Variants in PIP4K2A observed in about 807,000 individuals in gnomAD.
PIP4K2A encodes the protein phosphatidylinositol-5-phosphate 4-kinase type 2 alpha, also known as phosphatidylinositol 5-phosphate 4-kinase type-2 alpha.
PIP4K2A carries 14 observed loss-of-function variants against 42.9 expected under a neutral mutation model. That is an observed-to-expected ratio of 0.33 (90% confidence interval 0.22 to 0.51). PIP4K2A has a LOEUF of 0.51. PIP4K2A is among the 20% of genes least tolerant of loss of function. PIP4K2A has a pLI of 0.97. For synonymous variants in PIP4K2A, 192 were observed against 192.2 expected, an observed-to-expected ratio of 1.00 and a Z score of 0.01; for missense variants, 434 against 519.8, an observed-to-expected ratio of 0.83 and a Z score of 1.61.
chr10:22,582,487 G>A (rs1259155799), intron 4 of PIP4K2A, among the ~76,000 whole-genome samples: 2 of 152,138 alleles, frequency 1.3e-5, no homozygotes, highest in South Asian at 4.1e-4. Flanking sequence ...CTGGGCTCCG[G>A]CTTTCAGGAA....
Position 22,591,800 on chromosome 10 carries a change from A to C in PIP4K2A, c.340-19T>G. The C allele has an allele frequency of 6.3e-7, 1 of 1,592,282 alleles. No homozygotes were observed. Among genetic ancestry groups the C allele is most frequent in the Non-Finnish European group, 8.6e-7 (1 of 1,168,030 alleles). On this transcript the variant is annotated intron_variant, in intron 3 of 9. Transcript: ENST00000376573. The stretch of plus-strand genomic sequence containing the variant: ...GGGAATTCTTCCCGGGTGGGGTAAG[A>C]GGGGAAGGAAGGCGGGGGAAGATAA...
At position 22,708,557 on chromosome 10, in the gene PIP4K2A, T is replaced by C. The variant is rs76807898; in HGVS notation, c.144+5626A>G. On this transcript the variant is annotated intron_variant, in intron 1 of 9. Transcript: ENST00000376573. Reference sequence around the variant, plus strand: ...AAATTGCTTGTGTCCCTTTCCAACCTACAATTTCTTCTCCCAAATTCTCTA... The same window carrying C: ...AAATTGCTTGTGTCCCTTTCCAACCCACAATTTCTTCTCCCAAATTCTCTA... Among the ~76,000 whole-genome samples, 132 of 152,280 alleles carry C rather than the reference T, an allele frequency of 8.7e-4. 1 individual carries two copies. In the East Asian group the frequency reaches 0.024, roughly 28 times the overall value.
At chr10:22,549,128 TATAA>T (rs1836331261) in intron 7 of PIP4K2A, among the ~76,000 whole-genome samples, 1 of 152,206 alleles carries the variant, frequency 6.6e-6, no homozygotes, top group South Asian at 2.1e-4. Flanking sequence ...GTATGTATAC[TATAA>T]ATAATCCAAG....
chr10:22,652,380 C>G (rs1231343576), intron 1 of PIP4K2A, among the ~76,000 whole-genome samples: 1 of 152,140 alleles, frequency 6.6e-6, no homozygotes, highest in Non-Finnish European at 1.5e-5. Context: ...CTCATCCTCC[C>G]AAAGTACAGG....
intron 1 of PIP4K2A, among the ~76,000 whole-genome samples, chr10:22,610,807 A>G (rs1341398559): frequency 6.6e-6 from 1 of 152,244 alleles, no homozygotes; most frequent in East Asian, 1.9e-4. Flanking sequence ...CCTTGAAGGA[A>G]GCCTTTGAAA....
At position 22,554,462 on chromosome 10, in the gene PIP4K2A, A is replaced by T. The variant is rs184482461; in HGVS notation, c.679-3690T>A. Among the ~76,000 whole-genome samples, 1,317 of 152,282 alleles carry T rather than the reference A, an allele frequency of 8.6e-3. 16 individuals carry two copies. The highest frequency in any genetic ancestry group is 0.039 in the South Asian group (187 of 4,832). On this transcript the variant is annotated intron_variant, in intron 6 of 9. Transcript: ENST00000376573. ...TAAACACTGGATTATTTGCGCTTAG[A>T]GTTTTCCAAGCTTGTAGTCACTGGG...
chr10:22,651,090 C>T (rs995318347), intron 1 of PIP4K2A, among the ~76,000 whole-genome samples: 4 of 152,176 alleles, frequency 2.6e-5, no homozygotes, highest in Non-Finnish European at 4.4e-5. Flanking sequence ...TAAAAAGGCA[C>T]TCTTACCACA....
chr10:22,642,740 GA>G, intron 1 of PIP4K2A, among the ~76,000 whole-genome samples: 1 of 152,086 alleles, frequency 6.6e-6, no homozygotes, highest in Non-Finnish European at 1.5e-5. Context: ...ACATTCACAT[GA>G]AAAGATCTAG....
At chr10:22,612,040 TTGCTTTATGGTACC>T (rs1422979599) in intron 1 of PIP4K2A, among the ~76,000 whole-genome samples, 2 of 152,234 alleles carry the variant, frequency 1.3e-5, no homozygotes, top group Admixed American at 1.3e-4. Context: ...CTGCATCCTT[TTGCTTTATGGTACC>T]TGCTCTGGAA....
In PIP4K2A at chr10:22,714,344, C is replaced by T; in HGVS notation, c.-18G>A. On this transcript the variant is annotated 5_prime_UTR_variant, in exon 1 of 10. Transcript: ENST00000376573. ...GTCGCCATGGCCGCCTCCTATGTCC[C>T]CTCCACCGCCGTGCTCCCGAGGCCG... 1.9e-6 allele frequency: 3 copies of T among 1,562,482 alleles called. No individual in the cohort carries two copies. The highest frequency in any genetic ancestry group is 1.7e-4 in the Middle Eastern group (1 of 5,888).
At chr10:22,689,041 T>C (rs1310028842) in intron 1 of PIP4K2A, among the ~76,000 whole-genome samples, 1 of 152,196 alleles carries the variant, frequency 6.6e-6, no homozygotes, top group African/African-American at 2.4e-5. Context: ...CTAACCTATC[T>C]TTTTCTTCTT....
At chr10:22,570,818 G>A (rs1402469345) in intron 5 of PIP4K2A, among the ~76,000 whole-genome samples, 1 of 151,730 alleles carries the variant, frequency 6.6e-6, no homozygotes, top group African/African-American at 2.4e-5. Context: ...GCAACAGTGG[G>A]TATTAGTAGT....
intron 1 of PIP4K2A, among the ~76,000 whole-genome samples, chr10:22,642,958 G>C (rs976023992): frequency 2.0e-5 from 3 of 152,160 alleles, no homozygotes; most frequent in African/African-American, 7.2e-5. Context: ...CTGCTGTGGA[G>C]ATGAGGAGAA....
chr10:22,713,233 G>A (rs953360869), intron 1 of PIP4K2A, among the ~76,000 whole-genome samples: 2 of 152,170 alleles, frequency 1.3e-5, no homozygotes, highest in African/African-American at 4.8e-5. Flanking sequence ...CCCTCGAACC[G>A]CAGTCCGCAT....
At chr10:22,605,805 T>G (rs576128422) in intron 3 of PIP4K2A, among the ~76,000 whole-genome samples, 3 of 151,680 alleles carry the variant, frequency 2.0e-5, no homozygotes, top group Non-Finnish European at 2.9e-5. Context: ...CAGAGGAGAT[T>G]TTCTTAAGAC....
intron 6 of PIP4K2A, among the ~76,000 whole-genome samples, chr10:22,553,546 C>T (rs1011559668): frequency 2.0e-5 from 3 of 152,192 alleles, no homozygotes; most frequent in African/African-American, 7.2e-5. Flanking sequence ...TCACGTTTTA[C>T]ATTCAAGGAA....
At chr10:22,644,733 T>A (rs538719461) in intron 1 of PIP4K2A, among the ~76,000 whole-genome samples, 2 of 152,350 alleles carry the variant, frequency 1.3e-5, no homozygotes, top group South Asian at 2.1e-4. Context: ...GACAGGACAG[T>A]AGGGATCTAG....
chr10:22,700,244 A>G (rs932688983), intron 1 of PIP4K2A, among the ~76,000 whole-genome samples: 2 of 152,190 alleles, frequency 1.3e-5, no homozygotes, highest in African/African-American at 4.8e-5. Flanking sequence ...TTATGGACCA[A>G]TTCATACATC....
chr10:22,535,908 CT>C lies in PIP4K2A; in HGVS notation c.*1292del, dbSNP rs1454714075. On this transcript the variant is annotated 3_prime_UTR_variant, in exon 10 of 10. Transcript: ENST00000376573. ...TTTGGAGGAAAAAAAAATCCTTTTC[CT>C]TTTATTGTGAAAGACTGTCTACCAT... 7.8e-6 allele frequency: 3 copies of C among 386,348 alleles called. No homozygotes were observed. The highest frequency in any genetic ancestry group is 4.6e-6 in the Non-Finnish European group (1 of 218,798). 23.9% of individuals were successfully genotyped at this position (386,348 alleles called of 1,614,324 possible).
Sources: gnomAD v4.1 joint callset for allele counts (sites outside exome capture counted in the v4.1 genomes callset) on GRCh38, gnomAD v4.1.1 for gene constraint, MANE v1.5 for transcripts, NCBI Gene and HGNC (gene_info 2026-07-23, HGNC 2026-07-21) for gene names.